The following RNF180 variants were observed in gnomAD, a reference collection of about 807,000 sequenced individuals.
RNF180 encodes the protein ring finger protein 180, also known as E3 ubiquitin-protein ligase RNF180.
Under a neutral mutation model 59.2 loss-of-function variants are expected in RNF180, and 38 were observed. That is an observed-to-expected ratio of 0.64 (90% CI 0.50 to 0.84). The LOEUF (loss-of-function observed/expected upper bound fraction) is 0.84. RNF180 is among the 40% of genes least tolerant of loss of function. The pLI is 0.00. For synonymous variants in RNF180, 262 were observed against 240.3 expected, an observed-to-expected ratio of 1.09 and a Z score of -0.84; for missense variants, 705 against 700.9, an observed-to-expected ratio of 1.01 and a Z score of -0.07.
At chr5:64,189,521 G>T (rs1751033129) in intron 1 of RNF180, among the ~76,000 whole-genome samples, 1 of 152,180 alleles carries the variant, frequency 6.6e-6, no homozygotes, top group Non-Finnish European at 1.5e-5. Context: ...GTATTCTAGT[G>T]CTTTGTGGAA....
intron 5 of RNF180, among the ~76,000 whole-genome samples, chr5:64,227,281 G>A (rs1232166624): frequency 6.6e-6 from 1 of 152,146 alleles, no homozygotes; most frequent in Non-Finnish European, 1.5e-5. Flanking sequence ...AACCAAGGAC[G>A]AGATCAGCTG....
intron 5 of RNF180, among the ~76,000 whole-genome samples, chr5:64,260,143 C>T (rs1329175473): frequency 4.6e-5 from 7 of 152,220 alleles, no homozygotes; most frequent in Non-Finnish European, 2.9e-5. Context: ...CATATTTATA[C>T]ATATTTATGC....
chr5:64,258,078 T>G (rs1744091674), intron 5 of RNF180, among the ~76,000 whole-genome samples: 1 of 152,160 alleles, frequency 6.6e-6, no homozygotes, highest in African/African-American at 2.4e-5. Flanking sequence ...ATGAGAGTCC[T>G]TACATGAAAT....
At chr5:64,300,173 T>C (rs1032697160) in intron 5 of RNF180, among the ~76,000 whole-genome samples, 3 of 151,756 alleles carry the variant, frequency 2.0e-5, no homozygotes, top group African/African-American at 7.3e-5. Flanking sequence ...GTGAAAATTC[T>C]CGACCTAATA....
At chr5:64,179,164 A>G (rs1387856718) in intron 1 of RNF180, among the ~76,000 whole-genome samples, 1 of 152,194 alleles carries the variant, frequency 6.6e-6, no homozygotes, top group Non-Finnish European at 1.5e-5. Context: ...ACAAATACTT[A>G]TGGGATAGAA....
At chr5:64,354,485 G>A (rs908212785) in intron 7 of RNF180, among the ~76,000 whole-genome samples, 2 of 151,520 alleles carry the variant, frequency 1.3e-5, no homozygotes, top group Non-Finnish European at 2.9e-5. Context: ...AAAAGTCCAG[G>A]ACCAAATAGC....
chr5:64,284,361 G>T (rs1468223638), intron 5 of RNF180, among the ~76,000 whole-genome samples: 2 of 152,096 alleles, frequency 1.3e-5, no homozygotes, highest in African/African-American at 2.4e-5. Flanking sequence ...ACACTGTCTT[G>T]CAGAGATTCC....
chr5:64,212,344 G>GCA (rs151002859), intron 3 of RNF180, among the ~76,000 whole-genome samples, 184 bp downstream of exon 3: 33 of 149,518 alleles, frequency 2.2e-4, no homozygotes, highest in Middle Eastern at 3.4e-3. Flanking sequence ...TGTGTTTTAC[G>GCA]CACACACACA....
intron 1 of RNF180, among the ~76,000 whole-genome samples, chr5:64,188,675 T>A (rs1445781692): frequency 2.0e-5 from 3 of 152,192 alleles, no homozygotes; most frequent in African/African-American, 7.2e-5. Flanking sequence ...TCTTTCTTGT[T>A]CACTAACAGG....
intron 7 of RNF180, among the ~76,000 whole-genome samples, chr5:64,347,132 G>C (rs1745589105): frequency 6.6e-6 from 1 of 152,150 alleles, no homozygotes; most frequent in South Asian, 2.1e-4. Context: ...GGAAACTACA[G>C]TGCAAATTTA....
intron 5 of RNF180, among the ~76,000 whole-genome samples, chr5:64,314,974 T>C (rs1743964702): frequency 6.6e-6 from 1 of 152,248 alleles, no homozygotes; most frequent in Admixed American, 6.5e-5. Context: ...TGACACCTGA[T>C]ACTAACTTTA....
intron 7 of RNF180, among the ~76,000 whole-genome samples, chr5:64,354,417 C>T (rs1468211835): frequency 6.6e-6 from 1 of 151,626 alleles, no homozygotes; most frequent in African/African-American, 2.4e-5. Flanking sequence ...TAGAAAATCT[C>T]AACAGAACTA....
intron 7 of RNF180, among the ~76,000 whole-genome samples, chr5:64,342,833 C>T (rs903203041): frequency 5.3e-5 from 8 of 152,100 alleles, no homozygotes; most frequent in Non-Finnish European, 2.9e-5. Context: ...TTGTGAACTC[C>T]GTAGTGCTTT....
At chr5:64,267,041 A>G (rs1744720024) in intron 5 of RNF180, among the ~76,000 whole-genome samples, 1 of 152,150 alleles carries the variant, frequency 6.6e-6, no homozygotes, top group Non-Finnish European at 1.5e-5. Flanking sequence ...AGGATGCTGC[A>G]TCAGACTGTG....
chr5:64,238,249 C>T (rs1230613004), intron 5 of RNF180, among the ~76,000 whole-genome samples: 1 of 152,086 alleles, frequency 6.6e-6, no homozygotes, highest in Non-Finnish European at 1.5e-5. Context: ...TGTTAATGGA[C>T]ATTTGGGTTG....
At position 64,289,809 on chromosome 5, in the gene RNF180, CTATTT is replaced by C. The variant is rs568766074; in HGVS notation, c.1228-35372_1228-35368del. On this transcript the variant is annotated intron_variant, in intron 5 of 7. Transcript: ENST00000389100. ...GTTCTTTATTAGTGTAGCTAGTGGT[CTATTT>C]TATTAATTTTCTCAAAAAACCATCT... Among the ~76,000 whole-genome samples, 226 of 151,824 alleles carry C rather than the reference CTATTT, an allele frequency of 1.5e-3. 1 individual carries two copies. Among genetic ancestry groups the C allele is most frequent in the African/African-American group, 5.2e-3 (217 of 41,440 alleles).
chr5:64,342,839 G>A (rs574991159), intron 7 of RNF180, among the ~76,000 whole-genome samples: 15 of 152,266 alleles, frequency 9.9e-5, no homozygotes, highest in Non-Finnish European at 1.6e-4. Flanking sequence ...ACTCCGTAGT[G>A]CTTTGGAGAT....
intron 7 of RNF180, among the ~76,000 whole-genome samples, chr5:64,346,496 A>G (rs1049847864): frequency 1.7e-4 from 26 of 150,770 alleles, no homozygotes; most frequent in Admixed American, 1.6e-3. Flanking sequence ...CAGGCTCCCA[A>G]GTAGCTGGGA....
intron 5 of RNF180, among the ~76,000 whole-genome samples, chr5:64,270,424 C>A (rs1435883163): frequency 6.6e-6 from 1 of 152,166 alleles, no homozygotes; most frequent in Non-Finnish European, 1.5e-5. Flanking sequence ...AATGTTCTTA[C>A]CTTCCTTCCC....
Sources: gnomAD v4.1 joint callset for allele counts (sites outside exome capture counted in the v4.1 genomes callset) on GRCh38, gnomAD v4.1.1 for gene constraint, MANE v1.5 for transcripts, NCBI Gene and HGNC (gene_info 2026-07-23, HGNC 2026-07-21) for gene names.